The following SLAMF9 variants were observed in gnomAD, a reference collection of about 807,000 sequenced individuals.
SLAMF9 encodes CD2 family member 10.
In SLAMF9, 25 loss-of-function variants were observed where a neutral mutation model predicts 30.4. That is an observed-to-expected ratio of 0.82 (90% CI 0.60 to 1.15). SLAMF9 has a LOEUF of 1.15. Among genes scored for constraint, SLAMF9 ranks in the 50% most tolerant of loss-of-function variants. The probability of loss-of-function intolerance (pLI) is 0.00; values close to 1 mark genes in which losing one functional copy is unlikely to be tolerated. For missense variants in SLAMF9, 344 were observed against 346.1 expected, an observed-to-expected ratio of 0.99 and a Z score of 0.05; for synonymous variants, 129 against 127.2, an observed-to-expected ratio of 1.01 and a Z score of -0.09.
chr1:159,971,175 A>G, the SLAMF9 span, among the ~76,000 whole-genome samples: 2 of 152,184 alleles, frequency 1.3e-5, no homozygotes, highest in Non-Finnish European at 1.5e-5. Flanking sequence ...GCTTGGCATA[A>G]ATCCCTCATC....
At chr1:159,952,232 G>A (rs1226878149) in intron 3 of SLAMF9, 30 bp downstream of exon 3, 1 of 1,611,928 alleles carries the variant, frequency 6.2e-7, no homozygotes. Flanking sequence ...TCTTTCATGA[G>A]CTCAGGGGGT....
chr1:159,972,982 C>G, the SLAMF9 span: 1 of 1,319,534 alleles, frequency 7.6e-7, no homozygotes, highest in Non-Finnish European at 1.0e-6. Flanking sequence ...CGTCGCCACT[C>G]CCTCGCTCAT....
At chr1:159,980,691 G>A in the SLAMF9 span, 2,718 of 152,308 alleles carry the variant, frequency 0.018, 25 homozygotes, top group South Asian at 0.033. Context: ...ACAGGCATGC[G>A]CCACCATGCC....
At chr1:159,951,973 G>A in intron 3 of SLAMF9, 107 bp from the exon 4 acceptor site, 1 of 913,396 alleles carries the variant, frequency 1.1e-6, no homozygotes, top group Non-Finnish European at 1.7e-6. Context: ...TTCACAATCA[G>A]TTGAAGTCCC....
At chr1:159,962,365 C>G in the SLAMF9 span, among the ~76,000 whole-genome samples, 3 of 150,796 alleles carry the variant, frequency 2.0e-5, no homozygotes, top group South Asian at 6.3e-4. Flanking sequence ...ACCTTTGGCC[C>G]GGGGCGGCGG....
chr1:159,955,254 T>C (rs1235257069), upstream of SLAMF9, among the ~76,000 whole-genome samples: 1 of 152,196 alleles, frequency 6.6e-6, no homozygotes, highest in Admixed American at 6.5e-5. Context: ...ATTAAATAGC[T>C]TCCTGGCAGT....
Position 159,953,338 on chromosome 1 carries a change from G to T in SLAMF9, c.362C>A (p.Thr121Asn). 6.2e-7 allele frequency: 1 copy of T among 1,610,002 alleles called. No individual in the cohort carries two copies. ...QVNLRTSQISTMQQYNICVYR... is the reference protein window; with the variant it reads ...QVNLRTSQISNMQQYNICVYR... The stretch of plus-strand genomic sequence containing the variant: ...GACACATATATTGTACTGCTGCATG[G>T]TAGAGATCTGGGATGTTCTCAGGTT... The change falls in exon 2 of 4, where the codon ACC becomes AAC. Residue 121 changes from threonine to asparagine, a missense_variant. Physicochemically the swap from Thr to Asn is moderately conservative, Grantham distance 65. Transcript: ENST00000368093.
the SLAMF9 span, among the ~76,000 whole-genome samples, chr1:159,979,555 T>G: frequency 6.6e-6 from 1 of 152,168 alleles, no homozygotes; most frequent in East Asian, 1.9e-4. Context: ...AGGCAATAGT[T>G]AAAAGTCAAG....
At chr1:159,974,096 G>A in the SLAMF9 span, 2 of 1,481,292 alleles carry the variant, frequency 1.4e-6, no homozygotes, top group Non-Finnish European at 1.9e-6. Flanking sequence ...CAGCCCTGGA[G>A]CTGCAGGTCC....
the SLAMF9 span, among the ~76,000 whole-genome samples, chr1:159,977,446 T>C: frequency 6.6e-6 from 1 of 152,212 alleles, no homozygotes; most frequent in Admixed American, 6.5e-5. Context: ...AAATTGGTTC[T>C]AGTCTCTTTT....
chr1:159,970,491 A>G, the SLAMF9 span, among the ~76,000 whole-genome samples: 2 of 152,246 alleles, frequency 1.3e-5, no homozygotes, highest in African/African-American at 4.8e-5. Flanking sequence ...GTGATTTTAC[A>G]GTAGACTTTA....
chr1:159,953,604 C>A lies in SLAMF9; in HGVS notation c.96G>T (p.Ala32=). 6.2e-7 allele frequency: 1 copy of A among 1,611,560 alleles called. No individual in the cohort carries two copies. The highest frequency in any genetic ancestry group is 1.3e-5 in the African/African-American group (1 of 74,700). ...GGAGGCTGATGGACTCCTGAAGGAC[C>A]GCAACCACTTCCTCGGATCCACACC... ...WRWCGSEEVV[A]VLQESISLPL... Residue 32 remains alanine, a synonymous_variant, in exon 2 of 4, where the codon GCG becomes GCT. Coordinates refer to ENST00000368093, the MANE Select transcript of SLAMF9 (RefSeq NM_033438.4).
chr1:159,976,086 AGTGT>A, the SLAMF9 span, among the ~76,000 whole-genome samples: 3,585 of 148,328 alleles, frequency 0.024, 46 homozygotes, highest in South Asian at 0.034. Flanking sequence ...TATAGGTTGT[AGTGT>A]GTGTGTGTGT....
At chr1:159,979,638 G>C in the SLAMF9 span, among the ~76,000 whole-genome samples, 18 of 150,626 alleles carry the variant, frequency 1.2e-4, no homozygotes, top group African/African-American at 4.2e-4. Flanking sequence ...GAATTACCTA[G>C]AGAAAATAAC....
At chr1:159,982,734 G>C in the SLAMF9 span, among the ~76,000 whole-genome samples, 5 of 152,158 alleles carry the variant, frequency 3.3e-5, no homozygotes, top group African/African-American at 1.2e-4. Context: ...ATGTGTGTAG[G>C]AAACATAACG....
At chr1:159,982,988 C>T in the SLAMF9 span, 1 of 152,312 alleles carries the variant, frequency 6.6e-6, no homozygotes, top group South Asian at 2.1e-4. Context: ...GAGATTGCAC[C>T]ACTGTACTCC....
chr1:159,976,614 A>G, the SLAMF9 span: 1 of 152,156 alleles, frequency 6.6e-6, no homozygotes, highest in African/African-American at 2.4e-5. Flanking sequence ...AATAAAATAA[A>G]ATATTCCAAT....
chr1:159,973,546 G>A, the SLAMF9 span, among the ~76,000 whole-genome samples: 2 of 152,148 alleles, frequency 1.3e-5, no homozygotes, highest in Admixed American at 6.5e-5. Flanking sequence ...GGTGAGCCTG[G>A]ACTGGTCCAG....
At chr1:159,978,925 C>T in the SLAMF9 span, 1 of 152,268 alleles carries the variant, frequency 6.6e-6, no homozygotes, top group Non-Finnish European at 1.5e-5. Context: ...CTTTCCCCCA[C>T]ACTGGCCCCA....
Sources: allele counts gnomAD v4.1 joint callset (sites outside exome capture counted in the v4.1 genomes callset), GRCh38; gene constraint gnomAD v4.1.1; transcripts MANE v1.5; gene names NCBI Gene and HGNC (gene_info 2026-07-23, HGNC 2026-07-21).